NTN5: variants seen among roughly 807,000 people sequenced by gnomAD.
NTN5 encodes the protein netrin-5.
Under a neutral mutation model 38.7 loss-of-function variants are expected in NTN5, and 42 were observed. The ratio of observed to expected loss-of-function variants is 1.08; its 90% CI spans 0.85 to 1.40. NTN5 has a LOEUF of 1.40. NTN5 is among the 40% of genes most tolerant of loss of function. The probability of loss-of-function intolerance (pLI) is 0.00; values close to 1 mark genes in which losing one functional copy is unlikely to be tolerated. For synonymous variants in NTN5, 329 were observed against 303.9 expected (o/e 1.08, Z -0.86); for missense variants, 658 against 716.5 (o/e 0.92, Z 0.93).
At chr19:48,669,492 T>C (rs1217978074) in intron 2 of NTN5, among the ~76,000 whole-genome samples, 2 of 62,406 alleles carry the variant, frequency 3.2e-5, no homozygotes, top group Admixed American at 1.6e-4. Context: ...ACCATCACCA[T>C]CACCACCACC....
chr19:48,672,802 C>G (rs1450854532), intron 1 of NTN5, 130 bp downstream of exon 1: 1 of 166,642 alleles, frequency 6.0e-6, no homozygotes, highest in African/African-American at 2.4e-5. Flanking sequence ...AGAGTCCAGC[C>G]ATGCTCCCAG....
In NTN5 at chr19:48,670,459, G is replaced by A. The variant is rs1222132677; in HGVS notation, c.528C>T (p.His176=). 4.1e-6 allele frequency: 6 copies of A among 1,477,170 alleles called. No homozygotes were observed. Among genetic ancestry groups the A allele is most frequent in the Non-Finnish European group, 5.4e-6 (6 of 1,114,206 alleles). The allele number at this position is 1,477,170 out of a possible 1,614,324, so 91.5% of individuals were successfully genotyped here. A position where few individuals can be genotyped will look rare whatever the true frequency, so the allele number is the denominator to read the frequency against. ...CCGGGCCAGTGGTATGGTGGCGGCA[G>A]TGGCAGCGGGGGGGCCGGGCACGGG... ...CAARARPPRC[H]CRHHTTGPGC... is the part of the protein sequence containing the mutation. Residue 176 remains histidine, a synonymous_variant, in exon 2 of 7, where the codon CAC becomes CAT. Transcript: ENST00000270235.
chr19:48,665,054 A>G (rs1568450127), intron 2 of NTN5, among the ~76,000 whole-genome samples: 1 of 150,080 alleles, frequency 6.7e-6, no homozygotes. Flanking sequence ...CTGGAACTAC[A>G]GGCACGTGCC....
At position 48,661,428 on chromosome 19, in the gene NTN5, A is replaced by C; in HGVS notation, c.*249T>G. ...AAAATTCCCAAAGATTTGAGACTTT[A>C]TTGGGGGAAACAGATCACTGGCGGG... is the stretch of plus-strand genomic sequence containing the variant. On this transcript the variant is annotated 3_prime_UTR_variant, in exon 7 of 7. Coordinates refer to ENST00000270235, the MANE Select transcript of NTN5 (RefSeq NM_145807.4). 1 of 377,280 alleles carries C rather than the reference A, an allele frequency of 2.7e-6. No homozygotes were observed. The highest frequency in any genetic ancestry group is 4.7e-6 in the Non-Finnish European group (1 of 213,684). 23.4% of individuals were successfully genotyped at this position (377,280 alleles called of 1,614,324 possible).
chr19:48,666,068 A>G (rs1357359954), intron 2 of NTN5, among the ~76,000 whole-genome samples: 1 of 152,214 alleles, frequency 6.6e-6, no homozygotes, highest in Non-Finnish European at 1.5e-5. Context: ...GACACCCTGC[A>G]CTGTGTTTGA....
At position 48,663,443 on chromosome 19, in the gene NTN5, T is replaced by C. The variant is rs2031602031; in HGVS notation, c.1105+20A>G. 3.1e-6 allele frequency: 5 copies of C among 1,608,106 alleles called. No individual in the cohort carries two copies. In the East Asian group the frequency reaches 1.1e-4, roughly 36 times the overall value. The stretch of plus-strand genomic sequence containing the variant: ...GAACCAGCTGTGTAGCCTTCAGCTG[T>C]CTGTCTCCCCAGCACTCACCATGGT... On this transcript the variant is annotated intron_variant, in intron 6 of 6. Transcript: ENST00000270235.
intron 2 of NTN5, among the ~76,000 whole-genome samples, chr19:48,666,304 G>A (rs953281990): frequency 1.3e-5 from 2 of 152,190 alleles, no homozygotes; most frequent in Non-Finnish European, 2.9e-5. Context: ...CGTTTGTCAG[G>A]TGTTTTAAGG....
chr19:48,664,521 C>A lies in NTN5; in HGVS notation c.820+58G>T, dbSNP rs184969096. ...AGGCCCCCAGCCCCTCCTCCCTCAG[C>A]CCCAGGAGTCCAGCCCTACCTCTGC... On this transcript the variant is annotated intron_variant, in intron 3 of 6. Transcript: ENST00000270235. 50,743 of 1,476,324 alleles carry A rather than the reference C, an allele frequency of 0.034. 1,267 individuals carry two copies. Among genetic ancestry groups the A allele is most frequent in the Non-Finnish European group, 0.039 (43,298 of 1,099,872 alleles). 91.5% of individuals were successfully genotyped at this position (1,476,324 alleles called of 1,614,324 possible).
intron 1 of NTN5, among the ~76,000 whole-genome samples, chr19:48,671,949 G>A (rs2031974107): frequency 6.6e-6 from 1 of 152,088 alleles, no homozygotes; most frequent in African/African-American, 2.4e-5. Flanking sequence ...GGGACAGTGG[G>A]ATCCCCATGG....
Position 48,664,537 on chromosome 19 carries a change from C to G in NTN5, c.820+42G>C, listed in dbSNP as rs756775632. ...CTCCCTCAGCCCCAGGAGTCCAGCC[C>G]TACCTCTGCTCCCCCCAGGCCTGTC... On this transcript the variant is annotated intron_variant, in intron 3 of 6. Coordinates refer to ENST00000270235, the MANE Select transcript of NTN5 (RefSeq NM_145807.4). 2.0e-6 allele frequency: 3 copies of G among 1,532,794 alleles called. No homozygotes were observed. In the Admixed American group the frequency reaches 6.3e-5, roughly 32 times the overall value. The allele number at this position is 1,532,794 out of a possible 1,614,324, so 94.9% of individuals were successfully genotyped here. A position where few individuals can be genotyped will look rare whatever the true frequency, so the allele number is the denominator to read the frequency against.
intron 2 of NTN5, among the ~76,000 whole-genome samples, chr19:48,666,878 A>C (rs1439681646): frequency 1.3e-5 from 2 of 150,486 alleles, no homozygotes; most frequent in African/African-American, 4.9e-5. Context: ...AAAGACGGGG[A>C]CTCATTATGT....
chr19:48,663,215 G>A (rs2031595120), intron 6 of NTN5: 1 of 625,450 alleles, frequency 1.6e-6, no homozygotes, highest in Non-Finnish European at 3.0e-6. Context: ...GGCTGAAGGA[G>A]ATGATGAAAC....
intron 2 of NTN5, among the ~76,000 whole-genome samples, chr19:48,669,156 TCACCAC>T (rs2031795461): frequency 2.7e-5 from 2 of 75,130 alleles, no homozygotes; most frequent in African/African-American, 7.3e-5. Context: ...ATCACCACCA[TCACCAC>T]CACCACCATC....
rs371752057 is a variant in NTN5, at chr19:48,664,727, G to A, written c.672C>T (p.Asn224=). The A allele has an allele frequency of 2.5e-6, 4 of 1,595,572 alleles. No individual in the cohort carries two copies. The African/African-American group carries it at 5.4e-5, about 21-fold the overall frequency. The change falls in exon 3 of 7, where the codon AAC becomes AAT. Residue 224 remains asparagine (N), a synonymous_variant. Transcript: ENST00000270235. ...CGCCCGACAGTCTGAACAGCTCAGA[G>A]TTGAACCGGCAGCGTCGGGCGTGCT... ...CNQHARRCRF[N]SELFRLSGGR...
chr19:48,670,376 C>T lies in NTN5; in HGVS notation c.611G>A (p.Arg204Gln), dbSNP rs925686285. 28 of 1,413,650 alleles carry T rather than the reference C, an allele frequency of 2.0e-5. No homozygotes were observed. Among genetic ancestry groups the T allele is most frequent in the Admixed American group, 3.3e-5 (1 of 29,896 alleles). 87.6% of individuals were successfully genotyped at this position (1,413,650 alleles called of 1,614,324 possible). Residue 204 changes from arginine (R) to glutamine (Q), a missense_variant, in exon 2 of 7, where the codon CGG (arginine) becomes CAG (glutamine). By Grantham distance (43) the Arg-to-Gln change is conservative. Coordinates refer to ENST00000270235, the MANE Select transcript of NTN5 (RefSeq NM_145807.4). ...CTCACGTAGGCAAGGGTGGGGGTGCCGGGGCGTGGCAGGCCGCCAGGGCCA... is the reference window on the plus strand; with the variant it reads ...CTCACGTAGGCAAGGGTGGGGGTGCTGGGGCGTGGCAGGCCGCCAGGGCCA... ...RDWPWRPATP[R>Q]HPHPCLPCSC...
Position 48,670,857 on chromosome 19 carries a change from G to T in NTN5, c.130C>A (p.Pro44Thr). 1 of 1,612,046 alleles carries T rather than the reference G, an allele frequency of 6.2e-7. No individual in the cohort carries two copies. Among genetic ancestry groups the T allele is most frequent in the Non-Finnish European group, 8.5e-7 (1 of 1,179,482 alleles). Residue 44 changes from proline to threonine, a missense_variant, in exon 2 of 7, where the codon CCT (proline) becomes ACT (threonine). Pro to Thr is a conservative substitution (Grantham distance 38). Coordinates refer to ENST00000270235, the MANE Select transcript of NTN5 (RefSeq NM_145807.4). ...TQLAAVAASC[P>T]QACALSPGNH... ...CCTGGGGACAGGGCACAGGCCTGAG[G>T]GCAGGAGGCCGCCACGGCAGCCAGC...
At chr19:48,665,549 G>A (rs530043425) in intron 2 of NTN5, among the ~76,000 whole-genome samples, 3 of 151,758 alleles carry the variant, frequency 2.0e-5, no homozygotes, top group Admixed American at 2.0e-4. Context: ...ATCCAGGCAC[G>A]ATGGCTCGTG....
chr19:48,666,953 T>G (rs1277533893), intron 2 of NTN5, among the ~76,000 whole-genome samples: 1 of 151,968 alleles, frequency 6.6e-6, no homozygotes, highest in Non-Finnish European at 1.5e-5. Context: ...ACTAAGAGGT[T>G]TGAGAGCCCT....
In NTN5 at chr19:48,661,860, G is replaced by GTAGTC; in HGVS notation, c.1282_1286dup (p.Tyr429Ter). The GTAGTC allele has an allele frequency of 1.5e-6, 2 of 1,342,782 alleles. No individual in the cohort carries two copies. Among genetic ancestry groups the GTAGTC allele is most frequent in the Non-Finnish European group, 1.9e-6 (2 of 1,050,606 alleles). 83.2% of individuals were successfully genotyped at this position (1,342,782 alleles called of 1,614,324 possible). On this transcript the variant is annotated stop_gained and frameshift_variant, in exon 7 of 7. Transcript: ENST00000270235. LOFTEE classifies it low-confidence loss of function (END_TRUNC). ...CGCCCACGGCGCTGCCCAGCAGCAG[G>GTAGTC]TAGTCGGTGCCTGGCTGCAGGCGCA...
Sources: allele counts gnomAD v4.1 joint callset (sites outside exome capture counted in the v4.1 genomes callset), GRCh38; gene constraint gnomAD v4.1.1; transcripts MANE v1.5; gene names NCBI Gene and HGNC (gene_info 2026-07-23, HGNC 2026-07-21).